Variants in SLC25A38 observed in about 807,000 individuals in gnomAD.
The protein encoded by SLC25A38 is mitochondrial glycine transporter.
SLC25A38 carries 27 observed loss-of-function variants against 33.4 expected under a neutral mutation model. That is an observed-to-expected ratio of 0.81 (90% CI 0.60 to 1.11). The LOEUF (loss-of-function observed/expected upper bound fraction) is 1.11. Ranked by LOEUF, SLC25A38 falls within the 50% of genes most tolerant of loss-of-function variation. SLC25A38 has a pLI of 0.00. For synonymous variants in SLC25A38, 123 were observed against 145.9 expected, an observed-to-expected ratio of 0.84 and a Z score of 1.13; for missense variants, 344 against 388.8, an observed-to-expected ratio of 0.88 and a Z score of 0.97.
intron 5 of SLC25A38, among the ~76,000 whole-genome samples, chr3:39,392,883 A>C (rs2041788203): frequency 6.6e-6 from 1 of 152,186 alleles, no homozygotes; most frequent in African/African-American, 2.4e-5. Flanking sequence ...TTGTGACAGA[A>C]AGTTAAGGCA....
rs959754625 is a variant in SLC25A38, at chr3:39,385,797, G to A, written c.69+2004G>A. The stretch of plus-strand genomic sequence containing the variant: ...TGACACGCAGTCATAAGGGAGATGG[G>A]GACAGGTGTTGCTGTAGAAGCCGGA... On this transcript the variant is annotated intron_variant, in intron 1 of 6. Transcript: ENST00000650617. Among the ~76,000 whole-genome samples, 4 of 152,356 alleles carry A rather than the reference G, an allele frequency of 2.6e-5. No homozygotes were observed. In the South Asian group the frequency reaches 8.3e-4, roughly 32 times the overall value.
chr3:39,395,113 G>A (rs774039836), intron 6 of SLC25A38, among the ~76,000 whole-genome samples: 20 of 152,146 alleles, frequency 1.3e-4, no homozygotes, highest in Non-Finnish European at 2.8e-4. Context: ...TAGCTGATGA[G>A]CTAAAGAAAA....
At chr3:39,387,065 A>G (rs1266695232) in intron 1 of SLC25A38, among the ~76,000 whole-genome samples, 2 of 152,200 alleles carry the variant, frequency 1.3e-5, no homozygotes, top group East Asian at 3.8e-4. Flanking sequence ...AACCCAGGAC[A>G]GTATTAATCT....
intron 1 of SLC25A38, among the ~76,000 whole-genome samples, chr3:39,387,213 A>G (rs1194493094): frequency 6.6e-6 from 1 of 152,230 alleles, no homozygotes; most frequent in Non-Finnish European, 1.5e-5. Context: ...AGTCCTGGCC[A>G]GTGGCTTCAA....
intron 1 of SLC25A38, among the ~76,000 whole-genome samples, chr3:39,384,918 C>T (rs1188259384): frequency 6.6e-6 from 1 of 151,536 alleles, no homozygotes; most frequent in East Asian, 1.9e-4. Context: ...TTTCCTGTCT[C>T]AGTCTCCCAC....
rs562215248 is a variant in SLC25A38 at position 39,391,361 on chromosome 3, G to A, written c.277-80G>A. 772 of 1,593,360 alleles carry A rather than the reference G, an allele frequency of 4.8e-4. 8 individuals carry two copies. The South Asian group carries it at 6.1e-3, about 13-fold the overall frequency. On this transcript the variant is annotated intron_variant, in intron 3 of 6. Coordinates refer to ENST00000650617, the MANE Select transcript of SLC25A38 (RefSeq NM_017875.4). ...GCACTTGCATGCGAATCATCTTGGG[G>A]TCTTTTGGGAAAACCCAGCTAAGAT...
Position 39,389,754 on chromosome 3 carries a change from C to A in SLC25A38, c.191+138C>A. The A allele has an allele frequency of 7.1e-7, 1 of 1,413,502 alleles. No individual in the cohort carries two copies. The highest frequency in any genetic ancestry group is 9.9e-7 in the Non-Finnish European group (1 of 1,013,926). The allele number at this position is 1,413,502 out of a possible 1,614,324, so 87.6% of individuals were successfully genotyped here. A position where few individuals can be genotyped will look rare whatever the true frequency, so the allele number is the denominator to read the frequency against. On this transcript the variant is annotated intron_variant, in intron 2 of 6. Coordinates refer to ENST00000650617, the MANE Select transcript of SLC25A38 (RefSeq NM_017875.4). The surrounding 1 kb of genome is among the most constrained non-coding windows in gnomAD (Gnocchi z 4.5). ...GCCATGCCCAACTTTCATATGTTCT[C>A]TGAATTGTTTTTATATTTGACATTT...
Position 39,396,410 on chromosome 3 carries a change from C to T in SLC25A38, c.805C>T (p.Arg269Cys), listed in dbSNP as rs138377954. Residue 269 changes from arginine (R) to cysteine (C), a missense_variant, in exon 7 of 7, where the codon CGT becomes TGT. Around this residue, in one of 2 missense-constraint regions of SLC25A38, gnomAD observed 75 missense variants for 117.0 expected, o/e 0.64. Coordinates refer to ENST00000650617, the MANE Select transcript of SLC25A38 (RefSeq NM_017875.4). ...VTLIFKDYGL[R>C]GFFQGGIPRA... ...ATTTTCACCATAGGACTATGGACTA[C>T]GTGGCTTCTTCCAAGGTGGCATCCC... The T allele has an allele frequency of 3.5e-5, 57 of 1,614,082 alleles. No individual in the cohort carries two copies. The highest frequency in any genetic ancestry group is 3.2e-4 in the African/African-American group (24 of 75,006).
intron 5 of SLC25A38, 72 bp from the exon 6 acceptor site, chr3:39,394,338 G>A (rs1196743826): frequency 1.3e-6 from 2 of 1,590,842 alleles, no homozygotes; most frequent in South Asian, 1.1e-5. Context: ...AAGAATTGGT[G>A]GGCAACTTGC....
Position 39,389,458 on chromosome 3 carries a change from G to T in SLC25A38, c.70-37G>T. The T allele has an allele frequency of 6.2e-7, 1 of 1,614,186 alleles. No homozygotes were observed. Among genetic ancestry groups the T allele is most frequent in the Non-Finnish European group, 8.5e-7 (1 of 1,180,026 alleles). On this transcript the variant is annotated intron_variant, in intron 1 of 6. Transcript: ENST00000650617. This position sits in a 1 kb window ranked among gnomAD's most constrained non-coding sequence, Gnocchi z 4.5. ...TATAGAGAAAGGTGAGGCTCACACA[G>T]GCAGAGCTACTGACACAATATTGTC...
intron 5 of SLC25A38, among the ~76,000 whole-genome samples, chr3:39,392,884 AG>A (rs2041788296): frequency 6.6e-6 from 1 of 152,220 alleles, no homozygotes; most frequent in African/African-American, 2.4e-5. Context: ...TGTGACAGAA[AG>A]TTAAGGCAAT....
Position 39,396,662 on chromosome 3 carries a change from C to T in SLC25A38, c.*142C>T. ...TTGTGTTGCCTTTGCCTTCAGTAAT[C>T]CCCTTAAGGAGAAAATATATGGACC... is the stretch of plus-strand genomic sequence containing the variant. On this transcript the variant is annotated 3_prime_UTR_variant, in exon 7 of 7. Coordinates refer to ENST00000650617, the MANE Select transcript of SLC25A38 (RefSeq NM_017875.4). The T allele has an allele frequency of 1.5e-6, 2 of 1,337,434 alleles. No individual in the cohort carries two copies. Among genetic ancestry groups the T allele is most frequent in the Non-Finnish European group, 2.1e-6 (2 of 948,282 alleles). The allele number at this position is 1,337,434 out of a possible 1,614,324, so 82.8% of individuals were successfully genotyped here. A position where few individuals can be genotyped will look rare whatever the true frequency, so the allele number is the denominator to read the frequency against.
Position 39,389,330 on chromosome 3 carries a change from T to A in SLC25A38, c.70-165T>A. On this transcript the variant is annotated intron_variant, in intron 1 of 6. Coordinates refer to ENST00000650617, the MANE Select transcript of SLC25A38 (RefSeq NM_017875.4). This position sits in a 1 kb window ranked among gnomAD's most constrained non-coding sequence, Gnocchi z 4.5. ...GTCCTCAATAACATTGCAGTATTTT[T>A]AATTTCTGGCTATACTTTTTCCTTC... 9.4e-7 allele frequency: 1 copy of A among 1,061,568 alleles called. No individual in the cohort carries two copies. Among genetic ancestry groups the A allele is most frequent in the South Asian group, 1.3e-5 (1 of 74,940 alleles). The allele number at this position is 1,061,568 out of a possible 1,614,324, so 65.8% of individuals were successfully genotyped here. A position where few individuals can be genotyped will look rare whatever the true frequency, so the allele number is the denominator to read the frequency against.
intron 1 of SLC25A38, chr3:39,388,261 C>A (rs887126406): frequency 6.6e-6 from 1 of 152,180 alleles, no homozygotes; most frequent in Non-Finnish European, 1.5e-5. Context: ...TTGGTTTTAC[C>A]TGTTGTCTTA....
intron 1 of SLC25A38, among the ~76,000 whole-genome samples, chr3:39,385,954 G>A (rs1216992670): frequency 6.6e-6 from 1 of 152,194 alleles, no homozygotes; most frequent in Non-Finnish European, 1.5e-5. Context: ...TGTGTTAGTG[G>A]GAGGGTGAGA....
At chr3:39,385,057 C>G (rs2041695323) in intron 1 of SLC25A38, among the ~76,000 whole-genome samples, 1 of 152,186 alleles carries the variant, frequency 6.6e-6, no homozygotes, top group Non-Finnish European at 1.5e-5. Flanking sequence ...CTGCCTCGGC[C>G]TCCTAAAGTG....
Position 39,391,883 on chromosome 3 carries a change from G to C in SLC25A38, c.487G>C (p.Ala163Pro), listed in dbSNP as rs776080756. Reference protein sequence around the residue: ...SGKYGYESIYAALRSIYHSEG... With the variant: ...SGKYGYESIYPALRSIYHSEG... ...GAAATATGGCTATGAGAGTATCTAC[G>C]CTGCCCTGAGGAGCATCTATCACAG... The change falls in exon 5 of 7, where the codon GCT (alanine) becomes CCT (proline). Residue 163 changes from alanine to proline, a missense_variant. Around this residue, in one of 2 missense-constraint regions of SLC25A38, gnomAD observed 269 missense variants for 271.8 expected, o/e 0.99. Coordinates refer to ENST00000650617, the MANE Select transcript of SLC25A38 (RefSeq NM_017875.4). 1 of 1,613,818 alleles carries C rather than the reference G, an allele frequency of 6.2e-7. No individual in the cohort carries two copies. The highest frequency in any genetic ancestry group is 8.5e-7 in the Non-Finnish European group (1 of 1,179,994).
chr3:39,385,939 CAG>C (rs1402887618), intron 1 of SLC25A38, among the ~76,000 whole-genome samples: 5 of 152,218 alleles, frequency 3.3e-5, no homozygotes, highest in African/African-American at 4.8e-5. Context: ...AGTATGGCTG[CAG>C]AGTGTGTTAG....
intron 1 of SLC25A38, among the ~76,000 whole-genome samples, chr3:39,384,274 C>T (rs2041682547): frequency 6.6e-6 from 1 of 152,218 alleles, no homozygotes; most frequent in Non-Finnish European, 1.5e-5. Context: ...ACCCTTCCAG[C>T]CTGTTGGGAC....
Sources: allele counts gnomAD v4.1 joint callset (sites outside exome capture counted in the v4.1 genomes callset), GRCh38; gene constraint gnomAD v4.1.1; regional missense constraint gnomAD v4.1.1; non-coding constraint Gnocchi (gnomAD v3.1); transcripts MANE v1.5; gene names NCBI Gene and HGNC (gene_info 2026-07-23, HGNC 2026-07-21).